Variants in KLF8 observed in about 807,000 individuals in gnomAD.
KLF8 encodes Krueppel-like factor 8.
Under a neutral mutation model 18.2 loss-of-function variants are expected in KLF8, and 10 were observed. The observed-to-expected ratio is 0.55, with a 90% CI of 0.34 to 0.93. The LOEUF is 0.93. Ranked by LOEUF, KLF8 falls within the 40% of genes least tolerant of loss-of-function variation. The probability of loss-of-function intolerance (pLI) is 0.02; values close to 1 mark genes in which losing one functional copy is unlikely to be tolerated. For missense variants in KLF8, 264 were observed against 277.9 expected (o/e 0.95, Z 0.36); for synonymous variants, 109 against 97.3 (o/e 1.12, Z -0.71).
chrX:56,167,218 C>T, the KLF8 span, among the ~76,000 whole-genome samples: 18 of 111,549 alleles, frequency 1.6e-4, no homozygotes, highest in Non-Finnish European at 2.6e-4. Context: ...GCAACCACCG[C>T]CTCCTGGGTT....
the KLF8 span, among the ~76,000 whole-genome samples, chrX:55,945,667 G>T: frequency 9.0e-6 from 1 of 110,986 alleles, no homozygotes; most frequent in African/African-American, 3.3e-5. Flanking sequence ...GGAAATAAAA[G>T]GTATTCAATT....
At chrX:56,002,916 A>G in the KLF8 span, among the ~76,000 whole-genome samples, 4 of 112,549 alleles carry the variant, frequency 3.6e-5, no homozygotes, top group African/African-American at 6.5e-5. Context: ...ATCCAATGCT[A>G]CAAAAGGAAC....
At chrX:56,283,599 C>CA in intron 5 of KLF8, among the ~76,000 whole-genome samples, 1 of 111,189 alleles carries the variant, frequency 9.0e-6, no homozygotes, top group East Asian at 2.8e-4. Context: ...TCTCAATATA[C>CA]TGATCTCATG....
chrX:55,987,493 T>C, the KLF8 span, among the ~76,000 whole-genome samples: 2 of 111,391 alleles, frequency 1.8e-5, no homozygotes, highest in Non-Finnish European at 3.8e-5. Flanking sequence ...GAATGATGGT[T>C]TCCAGCTTCA....
intron 5 of KLF8, among the ~76,000 whole-genome samples, chrX:56,283,122 G>A (rs994037725): frequency 2.7e-5 from 3 of 111,306 alleles, no homozygotes; most frequent in African/African-American, 9.8e-5. Flanking sequence ...GGGTCATACT[G>A]CGTTAATTTT....
chrX:56,044,648 C>A, the KLF8 span, among the ~76,000 whole-genome samples: 1 of 112,655 alleles, frequency 8.9e-6, no homozygotes, highest in Non-Finnish European at 1.9e-5. Flanking sequence ...ATCTTTATTA[C>A]CCACAGCTGG....
chrX:56,048,682 A>T, the KLF8 span, among the ~76,000 whole-genome samples: 2 of 111,751 alleles, frequency 1.8e-5, no homozygotes, highest in Non-Finnish European at 3.8e-5. Context: ...CTTGTAGTAT[A>T]GTTTGAAGTC....
chrX:56,212,121 G>A, the KLF8 span, among the ~76,000 whole-genome samples: 7 of 111,414 alleles, frequency 6.3e-5, no homozygotes, highest in East Asian at 2.0e-3. Context: ...GGGGTCTAGG[G>A]CCTGGAATGG....
the KLF8 span, among the ~76,000 whole-genome samples, chrX:55,956,504 T>C: frequency 0.085 from 9,492 of 111,470 alleles, 989 homozygotes; most frequent in African/African-American, 0.3. Context: ...TGTACCACTG[T>C]TGGTGTACAG....
chrX:56,183,405 T>G, the KLF8 span, among the ~76,000 whole-genome samples: 2 of 112,164 alleles, frequency 1.8e-5, no homozygotes, highest in South Asian at 3.7e-4. Context: ...ATTCCCTGAC[T>G]GCTTTCACTT....
the KLF8 span, among the ~76,000 whole-genome samples, chrX:56,197,776 C>T: frequency 3.6e-5 from 4 of 111,177 alleles, no homozygotes; most frequent in East Asian, 1.1e-3. Context: ...CTGGCAGAGA[C>T]ACAACAAAAA....
At chrX:56,074,300 C>T in the KLF8 span, among the ~76,000 whole-genome samples, 1 of 111,562 alleles carries the variant, frequency 9.0e-6, no homozygotes, top group Non-Finnish European at 1.9e-5. Flanking sequence ...TGAAGTCCCA[C>T]TTTTATATTT....
chrX:56,244,327 A>G (rs2147587846), intron 1 of KLF8, among the ~76,000 whole-genome samples: 1 of 111,760 alleles, frequency 8.9e-6, no homozygotes, highest in East Asian at 2.8e-4. Context: ...CTCTTGCCTC[A>G]GCCTCACACA....
chrX:56,174,114 C>A, the KLF8 span, among the ~76,000 whole-genome samples: 1 of 111,454 alleles, frequency 9.0e-6, no homozygotes, highest in Non-Finnish European at 1.9e-5. Context: ...TTGGCCTGGC[C>A]AGAACTTCCA....
chrX:56,106,190 A>C, the KLF8 span, among the ~76,000 whole-genome samples: 1 of 110,683 alleles, frequency 9.0e-6, no homozygotes, highest in Non-Finnish European at 1.9e-5. Flanking sequence ...TGATGATTAT[A>C]TGTCTTGGGA....
chrX:56,260,919 T>C (rs1257948594), intron 2 of KLF8, among the ~76,000 whole-genome samples: 1 of 111,902 alleles, frequency 8.9e-6, no homozygotes, highest in African/African-American at 3.2e-5. Context: ...CTGTATATAG[T>C]ATTTTGTTCT....
At chrX:56,056,715 G>C in the KLF8 span, among the ~76,000 whole-genome samples, 1 of 98,492 alleles carries the variant, frequency 1.0e-5, no homozygotes, top group East Asian at 3.3e-4. Flanking sequence ...CGAGTTAGTG[G>C]GTGCAGCGCA....
At chrX:56,223,718 T>C in the KLF8 span, among the ~76,000 whole-genome samples, 1 of 112,235 alleles carries the variant, frequency 8.9e-6, no homozygotes, top group Non-Finnish European at 1.9e-5. Context: ...TTATTATTAC[T>C]AAGCCAAATT....
chrX:56,278,104 C>T (rs951011761), intron 5 of KLF8, among the ~76,000 whole-genome samples: 2 of 112,593 alleles, frequency 1.8e-5, no homozygotes, highest in Non-Finnish European at 3.8e-5. Context: ...AGAGCATAAT[C>T]CTGGAACTGG....
Sources: gnomAD v4.1 joint callset for allele counts (sites outside exome capture counted in the v4.1 genomes callset) on GRCh38, gnomAD v4.1.1 for gene constraint, MANE v1.5 for transcripts, NCBI Gene and HGNC (gene_info 2026-07-23, HGNC 2026-07-21) for gene names.